The following PSD2 variants were observed in gnomAD, a reference collection of about 807,000 sequenced individuals.
The protein encoded by PSD2 is PH and SEC7 domain-containing protein 2.
Under a neutral mutation model 69.8 loss-of-function variants are expected in PSD2, and 38 were observed. The ratio of observed to expected loss-of-function variants is 0.54; its 90% CI spans 0.42 to 0.71. The LOEUF (loss-of-function observed/expected upper bound fraction) is 0.71. Ranked by LOEUF, PSD2 falls within the 30% of genes least tolerant of loss-of-function variation. The probability of loss-of-function intolerance (pLI) is 0.00; values close to 1 mark genes in which losing one functional copy is unlikely to be tolerated. For synonymous variants in PSD2, 412 were observed against 423.0 expected (o/e 0.97, Z 0.32); for missense variants, 943 against 1,014.5 (o/e 0.93, Z 0.96).
chr5:139,817,612 C>G (rs770092758), intron 5 of PSD2, 51 bp downstream of exon 5: 27 of 1,429,538 alleles, frequency 1.9e-5, no homozygotes, highest in African/African-American at 2.8e-5. Flanking sequence ...GGCTGCACTT[C>G]TGGATTCTCA....
At chr5:139,813,160 G>A (rs1760015573) in intron 2 of PSD2, 149 bp from the exon 3 acceptor site, 1 of 623,340 alleles carries the variant, frequency 1.6e-6, no homozygotes, top group Non-Finnish European at 2.7e-6. Flanking sequence ...GGCACCTTGT[G>A]CTCAGTTAGT....
chr5:139,762,896 G>C, the PSD2 span, among the ~76,000 whole-genome samples: 1 of 152,124 alleles, frequency 6.6e-6, no homozygotes, highest in Non-Finnish European at 1.5e-5. Flanking sequence ...GAGAGCAGCG[G>C]AGTCGCTGGG....
At chr5:139,769,473 G>T in the PSD2 span, among the ~76,000 whole-genome samples, 3 of 152,134 alleles carry the variant, frequency 2.0e-5, no homozygotes, top group African/African-American at 7.2e-5. Flanking sequence ...CCTCTGTGGG[G>T]GGCAGCCAGG....
the PSD2 span, among the ~76,000 whole-genome samples, chr5:139,766,835 CT>C: frequency 7.2e-6 from 1 of 138,106 alleles, no homozygotes; most frequent in Non-Finnish European, 1.6e-5. Flanking sequence ...TTCCTTCTTT[CT>C]TTCTTTCTTT....
chr5:139,766,930 C>CTTTCTTTCT, the PSD2 span, among the ~76,000 whole-genome samples: 41 of 44,046 alleles, frequency 9.3e-4, 3 homozygotes, highest in African/African-American at 1.5e-3. Context: ...CCTTCCTTCC[C>CTTTCTTTCT]TTCTTTCTTT....
rs562916265 is a variant in PSD2, at chr5:139,841,640, G to A, written c.2113-631G>A. On this transcript the variant is annotated intron_variant, in intron 14 of 14. Coordinates refer to ENST00000274710, the MANE Select transcript of PSD2 (RefSeq NM_032289.4). The stretch of plus-strand genomic sequence containing the variant: ...TACATTCCCACCAGCAGGGCACAAG[G>A]GTTCTGTCTATTTCTCCATATCCTC... Among the ~76,000 whole-genome samples the A allele has an allele frequency of 5.1e-4, 77 of 152,230 alleles. 1 individual carries two copies. In the South Asian group the frequency reaches 0.015, roughly 30 times the overall value.
chr5:139,808,857 A>C (rs1039269083), intron 1 of PSD2, among the ~76,000 whole-genome samples: 30 of 152,150 alleles, frequency 2.0e-4, no homozygotes, highest in African/African-American at 7.2e-4. Flanking sequence ...GCGTCTGTTG[A>C]CTTCCTTGCC....
the PSD2 span, among the ~76,000 whole-genome samples, chr5:139,780,505 G>A: frequency 2.6e-5 from 4 of 152,016 alleles, no homozygotes; most frequent in Admixed American, 6.6e-5. Context: ...GTGCAGTGGC[G>A]TGATCTTGGC....
At chr5:139,797,142 A>C (rs369255357) in intron 1 of PSD2, among the ~76,000 whole-genome samples, 1 of 152,204 alleles carries the variant, frequency 6.6e-6, no homozygotes, top group South Asian at 2.1e-4. Context: ...CCTGTCTCCC[A>C]GGGAAGCTAC....
At chr5:139,804,997 CTCTG>C (rs1459295072) in intron 1 of PSD2, among the ~76,000 whole-genome samples, 2 of 149,892 alleles carry the variant, frequency 1.3e-5, no homozygotes, top group African/African-American at 4.9e-5. Flanking sequence ...ATGTGTGTGT[CTCTG>C]TGTGTGTGTG....
chr5:139,827,258 A>T lies in PSD2; in HGVS notation c.1269+4474A>T, dbSNP rs117306970. Among the ~76,000 whole-genome samples the T allele has an allele frequency of 2.3e-3, 353 of 152,390 alleles. 2 individuals carry two copies. Among genetic ancestry groups the T allele is most frequent in the East Asian group, 0.021 (109 of 5,194 alleles). ...TGAGGCTTAAGGGAAAGGAAAAGCC[A>T]TGCCATGTTCATGGAGGATGAGAGC... On this transcript the variant is annotated intron_variant, in intron 7 of 14. Transcript: ENST00000274710.
upstream of PSD2, among the ~76,000 whole-genome samples, chr5:139,793,528 CAG>C (rs1759456477): frequency 6.6e-6 from 1 of 152,216 alleles, no homozygotes. Flanking sequence ...CTACAAAGGA[CAG>C]GGGGCAGATC....
At chr5:139,816,489 A>G (rs972452119) in intron 4 of PSD2, among the ~76,000 whole-genome samples, 2 of 152,182 alleles carry the variant, frequency 1.3e-5, no homozygotes, top group African/African-American at 4.8e-5. Context: ...AAACCAAGCC[A>G]TTTGTCCTAA....
the PSD2 span, among the ~76,000 whole-genome samples, chr5:139,770,001 A>T: frequency 6.6e-6 from 1 of 152,230 alleles, no homozygotes; most frequent in Non-Finnish European, 1.5e-5. Flanking sequence ...ACAGTGGAGC[A>T]TGCGGTACAC....
upstream of PSD2, among the ~76,000 whole-genome samples, chr5:139,792,959 T>A (rs1759446129): frequency 6.6e-6 from 1 of 151,496 alleles, no homozygotes; most frequent in Admixed American, 6.6e-5. Context: ...CTTCTTTCCT[T>A]CTTCTTTTGA....
At chr5:139,762,981 C>T in the PSD2 span, among the ~76,000 whole-genome samples, 1 of 152,108 alleles carries the variant, frequency 6.6e-6, no homozygotes, top group Non-Finnish European at 1.5e-5. Flanking sequence ...GAATTAGTCA[C>T]ATTCTGCAGC....
chr5:139,802,915 A>T (rs1759711321), intron 1 of PSD2, among the ~76,000 whole-genome samples: 1 of 152,202 alleles, frequency 6.6e-6, no homozygotes, highest in East Asian at 1.9e-4. Context: ...GCAAATGTGC[A>T]TGCAGCCCCG....
the PSD2 span, among the ~76,000 whole-genome samples, chr5:139,743,225 T>A: frequency 6.6e-6 from 1 of 151,766 alleles, no homozygotes; most frequent in Non-Finnish European, 1.5e-5. Context: ...ATGGGGAGGG[T>A]ATGGAGGCTC....
upstream of PSD2, among the ~76,000 whole-genome samples, chr5:139,792,845 T>C (rs1279844191): frequency 6.9e-6 from 1 of 145,792 alleles, no homozygotes; most frequent in Admixed American, 6.9e-5. Context: ...TTTCTTTCTT[T>C]TTTTCTTTCT....
Sources: allele counts gnomAD v4.1 joint callset (sites outside exome capture counted in the v4.1 genomes callset), GRCh38; gene constraint gnomAD v4.1.1; transcripts MANE v1.5; gene names NCBI Gene and HGNC (gene_info 2026-07-23, HGNC 2026-07-21).